The following AKAP19 variants were observed in gnomAD, a reference collection of about 807,000 sequenced individuals.
The protein encoded by AKAP19 is small A-kinase anchoring protein.
the AKAP19 span, among the ~76,000 whole-genome samples, chr2:190,029,212 C>T: frequency 6.6e-6 from 1 of 151,952 alleles, no homozygotes; most frequent in Non-Finnish European, 1.5e-5. Flanking sequence ...ACCACCTTGC[C>T]TGGCTAATTT....
the AKAP19 span, among the ~76,000 whole-genome samples, chr2:190,111,120 G>A: frequency 7.9e-5 from 12 of 152,278 alleles, no homozygotes; most frequent in African/African-American, 2.9e-4. Flanking sequence ...CCAGAGCACA[G>A]GGAAAGCCCT....
At chr2:190,080,333 G>T in the AKAP19 span, among the ~76,000 whole-genome samples, 2 of 152,166 alleles carry the variant, frequency 1.3e-5, no homozygotes, top group Non-Finnish European at 2.9e-5. Flanking sequence ...ATTCCAGTGG[G>T]GGAGACAGAC....
the AKAP19 span, among the ~76,000 whole-genome samples, chr2:189,923,162 A>C: frequency 1.3e-5 from 2 of 152,162 alleles, no homozygotes; most frequent in African/African-American, 2.4e-5. Context: ...AAAAAAATAA[A>C]TAAATAGGCC....
At chr2:190,014,406 T>A in the AKAP19 span, among the ~76,000 whole-genome samples, 1 of 152,006 alleles carries the variant, frequency 6.6e-6, no homozygotes, top group Admixed American at 6.5e-5. Context: ...AACCACCAGA[T>A]CTCATGAAAA....
chr2:190,008,632 A>G, the AKAP19 span, among the ~76,000 whole-genome samples: 17 of 152,162 alleles, frequency 1.1e-4, no homozygotes, highest in East Asian at 3.1e-3. Flanking sequence ...ACAGTTTTTT[A>G]TTGTAAGCTC....
At chr2:190,169,751 A>C in the AKAP19 span, among the ~76,000 whole-genome samples, 3 of 152,204 alleles carry the variant, frequency 2.0e-5, no homozygotes, top group Non-Finnish European at 4.4e-5. Context: ...AACACTGATT[A>C]GGCTTAGCTG....
At chr2:189,918,255 C>G in the AKAP19 span, among the ~76,000 whole-genome samples, 1 of 151,980 alleles carries the variant, frequency 6.6e-6, no homozygotes, top group African/African-American at 2.4e-5. Flanking sequence ...ATGTTTTTTA[C>G]TTATCATATT....
the AKAP19 span, among the ~76,000 whole-genome samples, chr2:190,179,447 A>T: frequency 6.6e-6 from 1 of 152,268 alleles, no homozygotes; most frequent in South Asian, 2.1e-4. The surrounding 1 kb of genome is among the most constrained non-coding windows in gnomAD (Gnocchi z 6.0). Flanking sequence ...CAGAAAAATC[A>T]ATTAATATAG....
the AKAP19 span, chr2:189,930,986 T>TG: frequency 1.2e-6 from 1 of 827,908 alleles, no homozygotes; most frequent in Non-Finnish European, 2.0e-6. Context: ...TCATCCGAGG[T>TG]GGGGGATTTG....
At chr2:190,200,480 TGG>T in the AKAP19 span, 1 of 211,688 alleles carries the variant, frequency 4.7e-6, no homozygotes. Context: ...CAAATTCCAA[TGG>T]TTGAAGTTTA....
chr2:190,054,153 C>A, the AKAP19 span, among the ~76,000 whole-genome samples: 34 of 151,894 alleles, frequency 2.2e-4, no homozygotes, highest in South Asian at 4.2e-4. Flanking sequence ...GGACCATATA[C>A]CCTTGCCAAC....
At chr2:190,160,451 T>C in the AKAP19 span, among the ~76,000 whole-genome samples, 3 of 152,316 alleles carry the variant, frequency 2.0e-5, no homozygotes, top group Non-Finnish European at 2.9e-5. Context: ...TTATTGTTCT[T>C]ATGAAAATTG....
At chr2:189,992,883 C>T in the AKAP19 span, among the ~76,000 whole-genome samples, 13 of 152,286 alleles carry the variant, frequency 8.5e-5, no homozygotes, top group South Asian at 1.7e-3. Flanking sequence ...TGAAACTTTA[C>T]TGAATTCATT....
At chr2:189,975,454 G>T in the AKAP19 span, among the ~76,000 whole-genome samples, 1 of 152,114 alleles carries the variant, frequency 6.6e-6, no homozygotes, top group Non-Finnish European at 1.5e-5. Flanking sequence ...TGACAATTAT[G>T]TGTCTTGGAG....
At chr2:190,005,871 A>T in the AKAP19 span, among the ~76,000 whole-genome samples, 1 of 152,220 alleles carries the variant, frequency 6.6e-6, no homozygotes, top group East Asian at 1.9e-4. Context: ...TACCAATGCA[A>T]CTTTTCCTTA....
At chr2:190,166,517 C>T in the AKAP19 span, among the ~76,000 whole-genome samples, 1 of 151,578 alleles carries the variant, frequency 6.6e-6, no homozygotes, top group Non-Finnish European at 1.5e-5. Context: ...GAACATAATA[C>T]AAAAATAAGA....
At chr2:190,175,006 G>GAGTA in the AKAP19 span, among the ~76,000 whole-genome samples, 14 of 151,914 alleles carry the variant, frequency 9.2e-5, no homozygotes, top group South Asian at 2.7e-3. Context: ...TAGATTACAT[G>GAGTA]GAGTACATAG....
the AKAP19 span, among the ~76,000 whole-genome samples, chr2:190,190,600 G>A: frequency 6.6e-6 from 1 of 152,132 alleles, no homozygotes; most frequent in African/African-American, 2.4e-5. Context: ...CAGGGTAAGT[G>A]TGTGGTTAAC....
the AKAP19 span, among the ~76,000 whole-genome samples, chr2:189,942,291 G>A: frequency 2.0e-5 from 3 of 152,116 alleles, no homozygotes. Flanking sequence ...TCTTGCTCCT[G>A]TTTCATTACG....
Sources: allele counts gnomAD v4.1 joint callset (sites outside exome capture counted in the v4.1 genomes callset), GRCh38; gene constraint gnomAD v4.1.1; non-coding constraint Gnocchi (gnomAD v3.1); transcripts MANE v1.5; gene names NCBI Gene and HGNC (gene_info 2026-07-23, HGNC 2026-07-21).